NFASC: variants seen among roughly 807,000 people sequenced by gnomAD.
NFASC encodes neurofascin.
A neutral mutation model predicts 147.5 loss-of-function variants in NFASC; 43 were observed. The observed-to-expected ratio is 0.29, with a 90% CI of 0.23 to 0.38. The LOEUF (loss-of-function observed/expected upper bound fraction) is 0.38, where lower values mean the gene tolerates loss of function less well. NFASC is among the 10% of genes least tolerant of loss of function. The pLI, the probability that NFASC is intolerant of heterozygous loss-of-function variation, is 1.00. For synonymous variants in NFASC, 622 were observed against 665.5 expected, an observed-to-expected ratio of 0.93 and a Z score of 1.01; for missense variants, 1,320 against 1,689.0, an observed-to-expected ratio of 0.78 and a Z score of 3.83.
intron 4 of NFASC, among the ~76,000 whole-genome samples, chr1:204,950,825 T>C (rs2149933367): frequency 6.7e-6 from 1 of 149,686 alleles, no homozygotes; most frequent in East Asian, 1.9e-4. Context: ...ACCACAGCTG[T>C]TTCCCCATCC....
At position 204,904,698 on chromosome 1, in the gene NFASC, T is replaced by C. The variant is rs1333279035; in HGVS notation, c.-199-15934T>C. Reference sequence around the variant, plus strand: ...GAGATTTCTGAGATCCCTTTCAGTTTAGATAATCTAGGTTTCCTTTGACTT... The same window carrying C: ...GAGATTTCTGAGATCCCTTTCAGTTCAGATAATCTAGGTTTCCTTTGACTT... On this transcript the variant is annotated intron_variant, in intron 1 of 29. Transcript: ENST00000339876. Among the ~76,000 whole-genome samples the C allele has an allele frequency of 2.6e-5, 4 of 152,252 alleles. No individual in the cohort carries two copies. In the East Asian group the frequency reaches 7.7e-4, roughly 29 times the overall value.
chr1:204,892,397 T>G (rs2082585095), intron 1 of NFASC, among the ~76,000 whole-genome samples: 1 of 152,252 alleles, frequency 6.6e-6, no homozygotes, highest in African/African-American at 2.4e-5. Flanking sequence ...CAAGTTAAGC[T>G]GGGCTCTGTT....
Position 204,979,540 on chromosome 1 carries a change from C to G in NFASC, c.2157C>G (p.Arg719=). 6.2e-7 allele frequency: 1 copy of G among 1,613,718 alleles called. No individual in the cohort carries two copies. ...GSSHPSLPSE[R]YRTSGAPPES... is the part of the protein sequence containing the mutation. The stretch of plus-strand genomic sequence containing the variant: ...GCCACCCCAGCCTCCCATCCGAGCG[C>G]TACCGAACCAGTGGAGCACGTGAGT... Residue 719 remains arginine, a synonymous_variant, in exon 19 of 30, where the codon CGC becomes CGG. Transcript: ENST00000339876. This position sits in a 1 kb window ranked among gnomAD's most constrained non-coding sequence, Gnocchi z 6.0.
chr1:204,896,922 C>T lies in NFASC; in HGVS notation c.-199-23710C>T, dbSNP rs574964154. On this transcript the variant is annotated intron_variant, in intron 1 of 29. Transcript: ENST00000339876. Reference sequence around the variant, plus strand: ...GGCTGGGATAGGGCAAGAAGCAGCCCGGGGCTCAAGTCTGGCAGGAATTAC... The same window carrying T: ...GGCTGGGATAGGGCAAGAAGCAGCCTGGGGCTCAAGTCTGGCAGGAATTAC... 1.7e-4 allele frequency among the ~76,000 whole-genome samples: 26 copies of T among 152,186 alleles called. No individual in the cohort carries two copies. In the Middle Eastern group the frequency reaches 0.01, roughly 60 times the overall value.
At position 205,009,616 on chromosome 1, in the gene NFASC, G is replaced by A. The variant is rs749948274; in HGVS notation, c.3349G>A (p.Ala1117Thr). 29 of 1,614,088 alleles carry A rather than the reference G, an allele frequency of 1.8e-5. No individual in the cohort carries two copies. Among genetic ancestry groups the A allele is most frequent in the Non-Finnish European group, 2.2e-5 (26 of 1,179,966 alleles). ...TQGWFIGLMC[A>T]IALLVLILLI... ...GGGCTGGTTCATTGGGCTTATGTGC[G>A]CCATCGCCCTCCTGGTGCTGATCCT... The change falls in exon 28 of 30, where the codon GCC (alanine) becomes ACC (threonine). Residue 1117 changes from alanine (A) to threonine (T), a missense_variant. Ala to Thr is a moderately conservative substitution (Grantham distance 58, BLOSUM62 0). Around this residue, in one of 3 missense-constraint regions of NFASC, gnomAD observed 167 missense variants for 233.8 expected, o/e 0.71. Coordinates refer to ENST00000339876, the MANE Select transcript of NFASC (RefSeq NM_001005388.3).
intron 11 of NFASC, 45 bp downstream of exon 11, chr1:204,970,792 G>C (rs755398717): frequency 6.2e-7 from 1 of 1,612,872 alleles, no homozygotes; most frequent in Non-Finnish European, 8.5e-7. Context: ...TCTCTCTGCT[G>C]TCAAAGGCTT....
At chr1:204,864,098 A>C (rs2076922585) in intron 1 of NFASC, among the ~76,000 whole-genome samples, 1 of 152,248 alleles carries the variant, frequency 6.6e-6, no homozygotes, top group African/African-American at 2.4e-5. Flanking sequence ...ATTACATTAC[A>C]TATATTTCAC....
intron 14 of NFASC, 97 bp downstream of exon 14, chr1:204,974,920 A>T: frequency 7.7e-7 from 1 of 1,297,544 alleles, no homozygotes; most frequent in Non-Finnish European, 1.1e-6. Flanking sequence ...AATGCACCAC[A>T]CCTGTCTTTA....
At chr1:204,944,027 A>G (rs913244679) in intron 2 of NFASC, among the ~76,000 whole-genome samples, 199 bp from the exon 3 acceptor site, 5 of 152,202 alleles carry the variant, frequency 3.3e-5, no homozygotes, top group African/African-American at 9.7e-5. Context: ...TAAACATCTT[A>G]CAATACCCAG....
intron 1 of NFASC, among the ~76,000 whole-genome samples, chr1:204,853,196 G>A (rs1264479007): frequency 1.3e-5 from 2 of 151,884 alleles, no homozygotes; most frequent in East Asian, 3.9e-4. Context: ...TTTAGTCAAG[G>A]CTGAAAAAAA....
intron 21 of NFASC, among the ~76,000 whole-genome samples, chr1:204,984,914 G>T (rs2095584728): frequency 6.6e-6 from 1 of 152,186 alleles, no homozygotes; most frequent in Admixed American, 6.5e-5. Context: ...ACGTTCTGTG[G>T]CCTCAGAGGT....
intron 24 of NFASC, among the ~76,000 whole-genome samples, chr1:204,991,700 C>T (rs1315779338): frequency 6.6e-6 from 1 of 152,228 alleles, no homozygotes; most frequent in East Asian, 1.9e-4. Flanking sequence ...CTAGAAGGCG[C>T]GCTGCAGCAG....
In NFASC at chr1:204,867,534, G is replaced by T. The variant is rs1158336128; in HGVS notation, c.-200+38752G>T. Among the ~76,000 whole-genome samples the T allele has an allele frequency of 2.0e-5, 3 of 151,652 alleles. No individual in the cohort carries two copies. In the East Asian group the frequency reaches 5.8e-4, roughly 29 times the overall value. Reference sequence around the variant, plus strand: ...CATGAAGGCTGACAGATGCCCACATGTACTGAGTCACACTAAGGCACACAC... The same window carrying T: ...CATGAAGGCTGACAGATGCCCACATTTACTGAGTCACACTAAGGCACACAC... On this transcript the variant is annotated intron_variant, in intron 1 of 29. Coordinates refer to ENST00000339876, the MANE Select transcript of NFASC (RefSeq NM_001005388.3).
At chr1:204,926,325 TCA>T (rs1573131948) in intron 2 of NFASC, among the ~76,000 whole-genome samples, 1 of 148,242 alleles carries the variant, frequency 6.7e-6, no homozygotes, top group South Asian at 2.1e-4. Flanking sequence ...TTTCAAAGTA[TCA>T]CAGTTTTTTT....
At chr1:204,935,328 A>G (rs1055922458) in intron 2 of NFASC, among the ~76,000 whole-genome samples, 4 of 152,234 alleles carry the variant, frequency 2.6e-5, no homozygotes, top group African/African-American at 9.6e-5. Flanking sequence ...AGCTTGCTAC[A>G]GCAAGGGAGT....
chr1:204,891,176 G>A (rs2082319984), intron 1 of NFASC, among the ~76,000 whole-genome samples: 1 of 152,200 alleles, frequency 6.6e-6, no homozygotes, highest in African/African-American at 2.4e-5. Flanking sequence ...CAAGGCTTAT[G>A]TGTTACAACT....
At chr1:204,959,174 T>C (rs1411657706) in intron 8 of NFASC, among the ~76,000 whole-genome samples, 1 of 152,132 alleles carries the variant, frequency 6.6e-6, no homozygotes, top group Non-Finnish European at 1.5e-5. Flanking sequence ...TGTTCTGTCT[T>C]GGAACTCCAT....
At chr1:204,953,593 G>T (rs1204395776) in intron 5 of NFASC, among the ~76,000 whole-genome samples, 1 of 152,170 alleles carries the variant, frequency 6.6e-6, no homozygotes, top group African/African-American at 2.4e-5. Context: ...ACCGCGCCCG[G>T]CCAAAAGCTG....
intron 8 of NFASC, among the ~76,000 whole-genome samples, chr1:204,964,225 A>T (rs1285758852): frequency 2.6e-5 from 4 of 152,196 alleles, no homozygotes; most frequent in African/African-American, 9.6e-5. Context: ...GTCTCATAGG[A>T]TTGTTGTGAA....
Sources: allele counts gnomAD v4.1 joint callset (sites outside exome capture counted in the v4.1 genomes callset), GRCh38; gene constraint gnomAD v4.1.1; regional missense constraint gnomAD v4.1.1; non-coding constraint Gnocchi (gnomAD v3.1); transcripts MANE v1.5; gene names NCBI Gene and HGNC (gene_info 2026-07-23, HGNC 2026-07-21).